The following LCE2D variants were observed in gnomAD, a reference collection of about 807,000 sequenced individuals.
The protein encoded by LCE2D is late cornified envelope protein 2D.
For synonymous variants in LCE2D, 55 were observed against 51.3 expected, an observed-to-expected ratio of 1.07 and a Z score of -0.31; for missense variants, 161 against 142.9, an observed-to-expected ratio of 1.13 and a Z score of -0.65.
chr1:152,664,188 GT>G lies in LCE2D; in HGVS notation c.84del (p.Lys31AsnfsTer43). On this transcript the variant is annotated frameshift_variant, in exon 2 of 2. Transcript: ENST00000368784. LOFTEE classifies it low-confidence loss of function (END_TRUNC). ...PKCTPKCPPK[C>X]PPKCPPQCPA... ...TGTACCCCAAAATGTCCACCTAAGT[GT>G]CCCCCCAAATGCCCACCACAGTGCC... 6.2e-7 allele frequency: 1 copy of G among 1,614,068 alleles called. No homozygotes were observed. Among genetic ancestry groups the G allele is most frequent in the Non-Finnish European group, 8.5e-7 (1 of 1,180,026 alleles).
Position 152,664,552 on chromosome 1 carries a change from C to A in LCE2D, c.*114C>A. The A allele has an allele frequency of 1.4e-6, 2 of 1,450,868 alleles. No individual in the cohort carries two copies. Among genetic ancestry groups the A allele is most frequent in the Non-Finnish European group, 1.8e-6 (2 of 1,085,222 alleles). 89.9% of individuals were successfully genotyped at this position (1,450,868 alleles called of 1,614,324 possible). On this transcript the variant is annotated 3_prime_UTR_variant, in exon 2 of 2. Transcript: ENST00000368784. ...CATGGGTGGACAGGGACCACAAAGACTCATGGGGCTTCCCCAGAACTTTGT... is the reference window on the plus strand; with the variant it reads ...CATGGGTGGACAGGGACCACAAAGAATCATGGGGCTTCCCCAGAACTTTGT...
rs769563396 is a variant in LCE2D, at chr1:152,664,122, A to G, written c.17A>G (p.Asn6Ser). The G allele has an allele frequency of 1.2e-5, 20 of 1,613,958 alleles. No individual in the cohort carries two copies. The highest frequency in any genetic ancestry group is 1.7e-5 in the Non-Finnish European group (20 of 1,179,998). Reference sequence around the variant, plus strand: ...CCTGCCAGGATGTCTTGCCAGCAAAACCAGCAGCAGTGCCAGCCCCCTCCC... The same window carrying G: ...CCTGCCAGGATGTCTTGCCAGCAAAGCCAGCAGCAGTGCCAGCCCCCTCCC... MSCQQ[N>S]QQQCQPPPKC... Residue 6 changes from asparagine (N) to serine (S), a missense_variant, in exon 2 of 2, where the codon AAC becomes AGC. Transcript: ENST00000368784.
Position 152,664,455 on chromosome 1 carries a change from G to C in LCE2D, c.*17G>C, listed in dbSNP as rs1648509142. 1.9e-6 allele frequency: 3 copies of C among 1,598,394 alleles called. No homozygotes were observed. The South Asian group carries it at 3.4e-5, about 18-fold the overall frequency. The stretch of plus-strand genomic sequence containing the variant: ...TGCTGCTGACCTGGGCTGCAGAAGA[G>C]CTCTGGTACTGAATGGTCAAAAACC... On this transcript the variant is annotated 3_prime_UTR_variant, in exon 2 of 2. Transcript: ENST00000368784.
chr1:152,664,526 T>C lies in LCE2D; in HGVS notation c.*88T>C. 2.7e-6 allele frequency: 4 copies of C among 1,505,576 alleles called. No individual in the cohort carries two copies. The highest frequency in any genetic ancestry group is 1.3e-5 in the South Asian group (1 of 74,900). 93.3% of individuals were successfully genotyped at this position (1,505,576 alleles called of 1,614,324 possible). A position where few individuals can be genotyped will look rare whatever the true frequency, so the allele number is the denominator to read the frequency against. ...CTATTTCCCCTTCCTTTCATTCCAC[T>C]CATGGGTGGACAGGGACCACAAAGA... On this transcript the variant is annotated 3_prime_UTR_variant, in exon 2 of 2. Coordinates refer to ENST00000368784, the MANE Select transcript of LCE2D (RefSeq NM_178430.4).
intron 1 of LCE2D, among the ~76,000 whole-genome samples, chr1:152,663,857 G>C (rs1444172782): frequency 6.6e-6 from 1 of 152,178 alleles, no homozygotes; most frequent in Non-Finnish European, 1.5e-5. Flanking sequence ...TGTGAAGATA[G>C]AGCAATCCCA....
Position 152,664,424 on chromosome 1 carries a change from G to T in LCE2D, c.319G>T (p.Gly107Trp). 1 of 1,612,592 alleles carries T rather than the reference G, an allele frequency of 6.2e-7. No homozygotes were observed. The highest frequency in any genetic ancestry group is 8.5e-7 in the Non-Finnish European group (1 of 1,179,282). The change falls in exon 2 of 2, where the codon GGG (glycine) becomes TGG (tryptophan). Residue 107 changes from glycine to tryptophan, a missense_variant. Physicochemically the swap from Gly to Trp is radical, Grantham distance 184. Coordinates refer to ENST00000368784, the MANE Select transcript of LCE2D (RefSeq NM_178430.4). ...SGASGCCHSS[G>W]GCC ...GGCCTCTGGCTGCTGCCACAGCTCT[G>T]GGGGCTGCTGCTGACCTGGGCTGCA...
chr1:152,664,511 T>C lies in LCE2D; in HGVS notation c.*73T>C. On this transcript the variant is annotated 3_prime_UTR_variant, in exon 2 of 2. Transcript: ENST00000368784. ...CAGCCTGATGCTTAACTATTTCCCC[T>C]TCCTTTCATTCCACTCATGGGTGGA... 2 of 1,524,940 alleles carry C rather than the reference T, an allele frequency of 1.3e-6. No individual in the cohort carries two copies. Among genetic ancestry groups the C allele is most frequent in the Non-Finnish European group, 1.8e-6 (2 of 1,138,540 alleles). 94.5% of individuals were successfully genotyped at this position (1,524,940 alleles called of 1,614,324 possible).
At position 152,664,321 on chromosome 1, in the gene LCE2D, C is replaced by A. The variant is rs756264813; in HGVS notation, c.216C>A (p.Cys72Ter). The A allele has an allele frequency of 6.2e-7, 1 of 1,613,876 alleles. No individual in the cohort carries two copies. Among genetic ancestry groups the A allele is most frequent in the African/African-American group, 1.3e-5 (1 of 74,872 alleles). The part of the protein sequence containing the change: ...GCCSSGGGGC[C>*]LSHHRPRLFH... ...GCAGCTCTGGGGGTGGTGGCTGCTG[C>A]CTGAGCCACCACAGGCCCCGTCTCT... Residue 72 changes from cysteine (C) to a stop codon, truncating the protein, a stop_gained, in exon 2 of 2, where the codon TGC (cysteine) becomes TGA (stop). Transcript: ENST00000368784. LOFTEE classifies it low-confidence loss of function (END_TRUNC).
chr1:152,664,051 G>C (rs1046404388), intron 1 of LCE2D, 34 bp from the exon 2 acceptor site: 1 of 1,591,664 alleles, frequency 6.3e-7, no homozygotes, highest in South Asian at 1.2e-5. Flanking sequence ...CCTTTGGTTT[G>C]AAATATTTAA....
chr1:152,664,554 C>A lies in LCE2D; in HGVS notation c.*116C>A. ...TGGGTGGACAGGGACCACAAAGACT[C>A]ATGGGGCTTCCCCAGAACTTTGTGC... is the stretch of plus-strand genomic sequence containing the variant. On this transcript the variant is annotated 3_prime_UTR_variant, in exon 2 of 2. Transcript: ENST00000368784. 1 of 1,446,210 alleles carries A rather than the reference C, an allele frequency of 6.9e-7. No homozygotes were observed. Among genetic ancestry groups the A allele is most frequent in the South Asian group, 1.4e-5 (1 of 71,182 alleles). The allele number at this position is 1,446,210 out of a possible 1,614,324, so 89.6% of individuals were successfully genotyped here.
Position 152,664,138 on chromosome 1 carries a change from G to A in LCE2D, c.33G>A (p.Gln11=), listed in dbSNP as rs1237586745. 3 of 1,614,032 alleles carry A rather than the reference G, an allele frequency of 1.9e-6. No homozygotes were observed. The highest frequency in any genetic ancestry group is 1.1e-5 in the South Asian group (1 of 91,078). MSCQQNQQQC[Q]PPPKCPPKCT... ...GCCAGCAAAACCAGCAGCAGTGCCA[G>A]CCCCCTCCCAAATGTCCTCCCAAGT... The change falls in exon 2 of 2, where the codon CAG becomes CAA. Residue 11 remains glutamine (Q), a synonymous_variant. Coordinates refer to ENST00000368784, the MANE Select transcript of LCE2D (RefSeq NM_178430.4).
rs1339370255 is a variant in LCE2D at position 152,664,249 on chromosome 1, T to G, written c.144T>G (p.Cys48Trp). ...APCSPAVSSC[C>W]GPSSGSCCGP... ...GTTCCCCTGCAGTCTCTTCCTGCTG[T>G]GGTCCCAGCTCTGGGAGCTGCTGTG... is the stretch of plus-strand genomic sequence containing the variant. Residue 48 changes from cysteine (C) to tryptophan (W), a missense_variant, in exon 2 of 2, where the codon TGT (cysteine) becomes TGG (tryptophan). Physicochemically the swap from Cys to Trp is radical, Grantham distance 215. Transcript: ENST00000368784. The G allele has an allele frequency of 6.2e-7, 1 of 1,614,086 alleles. No individual in the cohort carries two copies.
chr1:152,663,918 C>G (rs1648471266), intron 1 of LCE2D, among the ~76,000 whole-genome samples, 167 bp from the exon 2 acceptor site: 1 of 152,150 alleles, frequency 6.6e-6, no homozygotes, highest in East Asian at 1.9e-4. Flanking sequence ...ATTTTTTAAT[C>G]TATGTACTTT....
chr1:152,664,028 G>A (rs559863430), intron 1 of LCE2D, 57 bp from the exon 2 acceptor site: 2 of 1,555,580 alleles, frequency 1.3e-6, no homozygotes, highest in Non-Finnish European at 8.7e-7. Flanking sequence ...TTTTAGAGGA[G>A]GCATAATTAT....
At position 152,664,073 on chromosome 1, in the gene LCE2D, A is replaced by G. The variant is rs754143023; in HGVS notation, c.-21-12A>G. ...TTTGAAATATTTAAAGAGTTTCATT[A>G]TTATCTTTTAGGTTGACTAAACTCC... On this transcript the variant is annotated splice_polypyrimidine_tract_variant and intron_variant, in intron 1 of 1. Coordinates refer to ENST00000368784, the MANE Select transcript of LCE2D (RefSeq NM_178430.4). 1.2e-5 allele frequency: 20 copies of G among 1,608,418 alleles called. No individual in the cohort carries two copies. Among genetic ancestry groups the G allele is most frequent in the Admixed American group, 6.7e-5 (4 of 59,308 alleles).
At chr1:152,663,947 A>G (rs777860612) in intron 1 of LCE2D, 138 bp from the exon 2 acceptor site, 4 of 956,516 alleles carry the variant, frequency 4.2e-6, no homozygotes. Flanking sequence ...AGAAAGATTC[A>G]AGTTGTTTCT....
At chr1:152,663,975 A>T (rs1034753716) in intron 1 of LCE2D, 110 bp from the exon 2 acceptor site, 2 of 1,225,732 alleles carry the variant, frequency 1.6e-6, no homozygotes, top group Admixed American at 5.1e-5. Flanking sequence ...TACTGATGTG[A>T]CTGTATTACC....
In LCE2D at chr1:152,664,340, C is replaced by G. The variant is rs544222876; in HGVS notation, c.235C>G (p.Arg79Gly). ...CTGCTGCCTGAGCCACCACAGGCCC[C>G]GTCTCTTCCACCGGCGCCGGCACCA... ...GGCCLSHHRP[R>G]LFHRRRHQSP... Residue 79 changes from arginine to glycine, a missense_variant, in exon 2 of 2, where the codon CGT becomes GGT. Coordinates refer to ENST00000368784, the MANE Select transcript of LCE2D (RefSeq NM_178430.4). The G allele has an allele frequency of 8.7e-6, 14 of 1,609,140 alleles. No homozygotes were observed. In the South Asian group the frequency reaches 1.5e-4, roughly 18 times the overall value.
chr1:152,664,004 T>C (rs1648476513), intron 1 of LCE2D, 81 bp from the exon 2 acceptor site: 1 of 1,457,742 alleles, frequency 6.9e-7, no homozygotes, highest in Non-Finnish European at 9.3e-7. Flanking sequence ...ATTCTTCTTC[T>C]ACACATGCAT....
Sources: allele counts gnomAD v4.1 joint callset (sites outside exome capture counted in the v4.1 genomes callset), GRCh38; gene constraint gnomAD v4.1.1; transcripts MANE v1.5; gene names NCBI Gene and HGNC (gene_info 2026-07-23, HGNC 2026-07-21).